PCDHA7: variants seen among roughly 807,000 people sequenced by gnomAD.
PCDHA7 encodes the protein protocadherin alpha 7.
A neutral mutation model predicts 57.2 loss-of-function variants in PCDHA7; 37 were observed. The observed-to-expected ratio is 0.65, with a 90% CI of 0.50 to 0.85. PCDHA7 has a LOEUF of 0.85. Among genes scored for constraint, PCDHA7 ranks in the 40% least tolerant of loss-of-function variants. The pLI, the probability that PCDHA7 is intolerant of heterozygous loss-of-function variation, is 0.00. For synonymous variants in PCDHA7, 553 were observed against 558.8 expected (o/e 0.99, Z 0.15); for missense variants, 1,188 against 1,241.8 (o/e 0.96, Z 0.65).
In PCDHA7 at chr5:140,851,081, A is replaced by C. The variant is rs1259623632; in HGVS notation, c.2355+14343A>C. 1.0e-5 allele frequency: 13 copies of C among 1,303,686 alleles called. No individual in the cohort carries two copies. In the East Asian group the frequency reaches 3.5e-4, roughly 35 times the overall value. 80.8% of individuals were successfully genotyped at this position (1,303,686 alleles called of 1,614,324 possible). Reference sequence around the variant, plus strand: ...ACTTCTAGTGAGAATTATAAACTGTATATTAAATAGATATTTTTTGGGTGC... The same window carrying C: ...ACTTCTAGTGAGAATTATAAACTGTCTATTAAATAGATATTTTTTGGGTGC... On this transcript the variant is annotated intron_variant, in intron 1 of 3. Transcript: ENST00000525929.
intron 1 of PCDHA7, among the ~76,000 whole-genome samples, chr5:140,846,443 C>T (rs1355812875): frequency 2.2e-5 from 3 of 134,856 alleles, no homozygotes; most frequent in Non-Finnish European, 4.7e-5. Context: ...GGCGCAATCT[C>T]GGCTCACTGC....
At chr5:140,865,799 T>A (rs1286819785) in intron 1 of PCDHA7, 1 of 152,200 alleles carries the variant, frequency 6.6e-6, no homozygotes, top group East Asian at 1.9e-4. Context: ...GGCTTCAGAC[T>A]CATTCTTTTA....
intron 1 of PCDHA7, among the ~76,000 whole-genome samples, chr5:140,885,118 C>CT (rs782576516): frequency 6.6e-6 from 1 of 152,022 alleles, no homozygotes; most frequent in Non-Finnish European, 1.5e-5. Context: ...TTTAAGTGCA[C>CT]TTTTCTTTCT....
At chr5:140,952,146 C>T (rs1204696324) in intron 1 of PCDHA7, among the ~76,000 whole-genome samples, 1 of 152,062 alleles carries the variant, frequency 6.6e-6, no homozygotes, top group African/African-American at 2.4e-5. Context: ...AGCTCCACTC[C>T]TGTGGCTTTG....
chr5:140,974,709 C>T (rs1385583490), intron 1 of PCDHA7, among the ~76,000 whole-genome samples: 1 of 152,092 alleles, frequency 6.6e-6, no homozygotes, highest in Non-Finnish European at 1.5e-5. Flanking sequence ...CCATGTTGTT[C>T]AAGCTGCTCT....
chr5:140,851,595 G>A (rs1470017891), intron 1 of PCDHA7: 19 of 919,212 alleles, frequency 2.1e-5, no homozygotes, highest in Non-Finnish European at 2.5e-5. Flanking sequence ...TTGAAATTCA[G>A]TTTACAGAAA....
rs371705947 is a variant in PCDHA7, at chr5:140,967,473, C to T, written c.2356-11476C>T. The T allele has an allele frequency of 6.6e-5, 107 of 1,613,362 alleles. No homozygotes were observed. The highest frequency in any genetic ancestry group is 6.6e-4 in the Middle Eastern group (4 of 6,058). On this transcript the variant is annotated intron_variant, in intron 1 of 3. Coordinates refer to ENST00000525929, the MANE Select transcript of PCDHA7 (RefSeq NM_018910.3). The stretch of plus-strand genomic sequence containing the variant: ...ACAGCCGTGGATGGGGGCATCCCAG[C>T]CCGCTCGGGTACGGCACAGATCTCT...
intron 3 of PCDHA7, among the ~76,000 whole-genome samples, chr5:140,995,774 G>A (rs2097697505): frequency 1.3e-5 from 2 of 151,968 alleles, no homozygotes; most frequent in Admixed American, 1.3e-4. Context: ...GAGAGTGAAG[G>A]GCAGGTTTAA....
At chr5:140,875,760 C>T (rs781811926) in intron 1 of PCDHA7, 8 of 1,614,080 alleles carry the variant, frequency 5.0e-6, no homozygotes, top group Non-Finnish European at 5.9e-6. Context: ...AGAAGCTGTG[C>T]GGGCGGAGCG....
chr5:140,912,723 A>C (rs781874290), intron 1 of PCDHA7, among the ~76,000 whole-genome samples: 21 of 152,256 alleles, frequency 1.4e-4, no homozygotes, highest in Admixed American at 1.1e-3. Context: ...TCCATTCAAT[A>C]TGATGTTGGC....
intron 3 of PCDHA7, among the ~76,000 whole-genome samples, chr5:140,996,703 C>G (rs2097740523): frequency 6.6e-6 from 1 of 152,132 alleles, no homozygotes; most frequent in African/African-American, 2.4e-5. Context: ...GAACCTCTAT[C>G]TCTTTGATTT....
chr5:140,902,211 T>C (rs1256912603), intron 1 of PCDHA7, among the ~76,000 whole-genome samples: 4 of 150,332 alleles, frequency 2.7e-5, no homozygotes, highest in African/African-American at 9.8e-5. Context: ...TTCTTTTTTT[T>C]TTTTTTTTTT....
chr5:140,843,061 G>A lies in PCDHA7; in HGVS notation c.2355+6323G>A, dbSNP rs113750272. ...GCACTGGTGGCGCAGCGAGCAAGCT[G>A]GTGCCGCGGTCTGTGGGCGCGGGCC... On this transcript the variant is annotated intron_variant, in intron 1 of 3. Coordinates refer to ENST00000525929, the MANE Select transcript of PCDHA7 (RefSeq NM_018910.3). 2.1e-3 allele frequency: 3,330 copies of A among 1,595,224 alleles called. 278 individuals are homozygous for A. In the African/African-American group the frequency reaches 0.039, roughly 19 times the overall value.
At chr5:140,911,202 A>C (rs1554194649) in intron 1 of PCDHA7, among the ~76,000 whole-genome samples, 1 of 152,184 alleles carries the variant, frequency 6.6e-6, no homozygotes. Flanking sequence ...ACATGTTGCC[A>C]CTACTGGGGA....
rs2095730579 is a variant in PCDHA7 at position 140,963,035 on chromosome 5, T to C, written c.2356-15914T>C. Among the ~76,000 whole-genome samples, 3 of 152,330 alleles carry C rather than the reference T, an allele frequency of 2.0e-5. No individual in the cohort carries two copies. The South Asian group carries it at 6.2e-4, about 32-fold the overall frequency. On this transcript the variant is annotated intron_variant, in intron 1 of 3. Transcript: ENST00000525929. ...AAGAAAATGAAGCAATTAACATTTA[T>C]TGAGAGTCTATAAGGGTTTCTACAT...
chr5:140,869,552 C>G lies in PCDHA7; in HGVS notation c.2355+32814C>G, dbSNP rs537127263. ...ATTGCGGAATCTAAGCAATCGGACT[C>G]GCGTTTTCCACTAGAGGGAGCTTCT... On this transcript the variant is annotated intron_variant, in intron 1 of 3. Transcript: ENST00000525929. 12 of 1,614,022 alleles carry G rather than the reference C, an allele frequency of 7.4e-6. No homozygotes were observed. The African/African-American group carries it at 1.5e-4, about 20-fold the overall frequency.
chr5:140,948,839 G>A (rs2094310723), intron 1 of PCDHA7, among the ~76,000 whole-genome samples: 1 of 151,152 alleles, frequency 6.6e-6, no homozygotes, highest in African/African-American at 2.4e-5. Flanking sequence ...GCTTTTGTCT[G>A]TATTATTTGC....
intron 1 of PCDHA7, among the ~76,000 whole-genome samples, chr5:140,970,213 A>AAAT (rs1198069658): frequency 6.6e-5 from 10 of 152,242 alleles, no homozygotes; most frequent in Admixed American, 2.0e-4. Context: ...AATTTAGCTT[A>AAAT]AATGCAGCCT....
chr5:140,848,477 A>G (rs1473834306), intron 1 of PCDHA7: 1 of 1,563,760 alleles, frequency 6.4e-7, no homozygotes, highest in Non-Finnish European at 8.7e-7. Context: ...ACTAATTAGA[A>G]GAAGACTGAG....
Sources: gnomAD v4.1 joint callset for allele counts (sites outside exome capture counted in the v4.1 genomes callset) on GRCh38, gnomAD v4.1.1 for gene constraint, MANE v1.5 for transcripts, NCBI Gene and HGNC (gene_info 2026-07-23, HGNC 2026-07-21) for gene names.